Variants in DCLK1 observed in about 807,000 individuals in gnomAD.
DCLK1 encodes doublecortin like kinase 1.
In DCLK1, 16 loss-of-function variants were observed where a neutral mutation model predicts 86.2. The ratio of observed to expected loss-of-function variants is 0.19; its 90% CI spans 0.13 to 0.28. The LOEUF is 0.28. Among genes scored for constraint, DCLK1 ranks in the 10% least tolerant of loss-of-function variants. DCLK1 has a pLI of 1.00. For synonymous variants in DCLK1, 369 were observed against 370.5 expected, an observed-to-expected ratio of 1.00 and a Z score of 0.05; for missense variants, 590 against 940.2, an observed-to-expected ratio of 0.63 and a Z score of 4.87.
intron 4 of DCLK1, among the ~76,000 whole-genome samples, chr13:35,934,109 A>G (rs573050682): frequency 6.6e-6 from 1 of 152,310 alleles, no homozygotes; most frequent in Admixed American, 6.5e-5. Context: ...CTGCTAAAAC[A>G]TAACAAGATT....
At position 36,067,296 on chromosome 13, in the gene DCLK1, A is replaced by T. The variant is rs553951488; in HGVS notation, c.723+44573T>A. ...AATTGGAAATCATCATTCTCAGTAA[A>T]CTATCGCAAGGACAAAAAACCAACC... On this transcript the variant is annotated intron_variant, in intron 3 of 16. Transcript: ENST00000360631. 1.2e-3 allele frequency among the ~76,000 whole-genome samples: 176 copies of T among 148,930 alleles called. 1 individual carries two copies. The highest frequency in any genetic ancestry group is 4.2e-3 in the African/African-American group (169 of 40,438).
At chr13:36,110,070 C>G (rs1358631440) in intron 3 of DCLK1, among the ~76,000 whole-genome samples, 1 of 152,076 alleles carries the variant, frequency 6.6e-6, no homozygotes, top group Non-Finnish European at 1.5e-5. Flanking sequence ...ATTCTTTGCT[C>G]TAATGAGACA....
intron 4 of DCLK1, among the ~76,000 whole-genome samples, chr13:35,887,724 T>C (rs1873366385): frequency 6.6e-6 from 1 of 151,628 alleles, no homozygotes; most frequent in Non-Finnish European, 1.5e-5. Flanking sequence ...AGCTAGATTG[T>C]TTTCTTAAGG....
intron 3 of DCLK1, among the ~76,000 whole-genome samples, chr13:36,031,155 G>A (rs1882254371): frequency 6.6e-6 from 1 of 152,138 alleles, no homozygotes; most frequent in Admixed American, 6.6e-5. Context: ...CCGAAATAGT[G>A]GTGAGTCATC....
intron 3 of DCLK1, among the ~76,000 whole-genome samples, chr13:36,016,057 A>G (rs976347393): frequency 3.9e-5 from 6 of 152,182 alleles, no homozygotes; most frequent in African/African-American, 1.4e-4. Flanking sequence ...TGGACAATTT[A>G]CTTCATTTAG....
intron 8 of DCLK1, among the ~76,000 whole-genome samples, chr13:35,828,593 C>T (rs1376976914): frequency 6.6e-6 from 1 of 152,152 alleles, no homozygotes; most frequent in Admixed American, 6.5e-5. Flanking sequence ...CCTCGAATTG[C>T]CCACTTGTCC....
intron 3 of DCLK1, among the ~76,000 whole-genome samples, chr13:36,063,081 G>A (rs1040506242): frequency 6.6e-6 from 1 of 152,094 alleles, no homozygotes; most frequent in Non-Finnish European, 1.5e-5. Flanking sequence ...AACTTGCCTG[G>A]AGCCAATACA....
At chr13:35,866,895 C>T (rs1871833110) in intron 5 of DCLK1, among the ~76,000 whole-genome samples, 3 of 152,084 alleles carry the variant, frequency 2.0e-5, no homozygotes, top group Non-Finnish European at 4.4e-5. Context: ...CCACTAGTTC[C>T]AAGAGCTATA....
intron 3 of DCLK1, among the ~76,000 whole-genome samples, chr13:36,077,344 T>C (rs1187066281): frequency 1.3e-5 from 2 of 152,156 alleles, no homozygotes; most frequent in Non-Finnish European, 2.9e-5. Context: ...CTTATGTCAT[T>C]TGGATTCAAA....
chr13:36,032,281 A>G (rs987752585), intron 3 of DCLK1, among the ~76,000 whole-genome samples: 1 of 151,906 alleles, frequency 6.6e-6, no homozygotes, highest in African/African-American at 2.4e-5. Flanking sequence ...GGCTGGGACT[A>G]CAGGCACCTG....
intron 3 of DCLK1, among the ~76,000 whole-genome samples, chr13:35,979,123 C>T (rs1879511023): frequency 6.6e-6 from 1 of 152,184 alleles, no homozygotes; most frequent in South Asian, 2.1e-4. Context: ...TCTGCTAAGC[C>T]ATGAGGCCAC....
intron 3 of DCLK1, among the ~76,000 whole-genome samples, chr13:35,973,756 C>A (rs1379551546): frequency 6.6e-6 from 1 of 152,146 alleles, no homozygotes; most frequent in East Asian, 1.9e-4. Context: ...GAACGGGGAA[C>A]CTGATCCTGC....
intron 3 of DCLK1, among the ~76,000 whole-genome samples, chr13:35,971,763 C>CAAA (rs71643790): frequency 3.1e-5 from 4 of 130,234 alleles, no homozygotes; most frequent in African/African-American, 8.5e-5. Flanking sequence ...AACTCCATCT[C>CAAA]AAAAAAAAAA....
rs144568915 is a variant in DCLK1 at position 35,878,074 on chromosome 13, T to C, written c.824-6734A>G. ...TGTCTCCATTCCAACTAAGTGGTGG[T>C]CCAGCTTCCTTCTGAGCACCCCCAG... is the stretch of plus-strand genomic sequence containing the variant. On this transcript the variant is annotated intron_variant, in intron 4 of 16. Coordinates refer to ENST00000360631, the MANE Select transcript of DCLK1 (RefSeq NM_001330071.2). 3.7e-4 allele frequency among the ~76,000 whole-genome samples: 57 copies of C among 152,234 alleles called. No homozygotes were observed. In the East Asian group the frequency reaches 0.01, roughly 27 times the overall value.
intron 3 of DCLK1, among the ~76,000 whole-genome samples, chr13:36,021,243 TAA>T (rs36052794): frequency 0.29 from 42,920 of 149,104 alleles, 6,503 homozygotes; most frequent in Non-Finnish European, 0.35. Flanking sequence ...ATAAAAATAA[TAA>T]AAAAAAAAAG....
chr13:36,014,412 A>G (rs1010685421), intron 3 of DCLK1, among the ~76,000 whole-genome samples: 6 of 152,226 alleles, frequency 3.9e-5, no homozygotes, highest in Non-Finnish European at 5.9e-5. Context: ...GTTGCCTTTA[A>G]AATTTTAAAT....
chr13:36,097,350 G>T (rs575917714), intron 3 of DCLK1, among the ~76,000 whole-genome samples: 2 of 152,076 alleles, frequency 1.3e-5, no homozygotes, highest in Non-Finnish European at 2.9e-5. Context: ...TACTTAAAAT[G>T]GGTGCTTTTT....
chr13:35,826,539 A>AGGG (rs776444323), intron 10 of DCLK1, among the ~76,000 whole-genome samples: 1 of 45,272 alleles, frequency 2.2e-5, no homozygotes, highest in African/African-American at 5.5e-5. Flanking sequence ...AAAAAAAAAA[A>AGGG]AAAGAAAGAA....
At chr13:36,061,811 T>A (rs1883557869) in intron 3 of DCLK1, among the ~76,000 whole-genome samples, 1 of 152,164 alleles carries the variant, frequency 6.6e-6, no homozygotes, top group Admixed American at 6.5e-5. Flanking sequence ...TTACCTTGCA[T>A]CTACTCAAAA....
Sources: gnomAD v4.1 joint callset for allele counts (sites outside exome capture counted in the v4.1 genomes callset) on GRCh38, gnomAD v4.1.1 for gene constraint, MANE v1.5 for transcripts, NCBI Gene and HGNC (gene_info 2026-07-23, HGNC 2026-07-21) for gene names.